Variants in JCAD observed in about 807,000 individuals in gnomAD.
JCAD encodes junctional cadherin 5-associated protein.
In JCAD, 40 loss-of-function variants were observed where a neutral mutation model predicts 98.0. That is an observed-to-expected ratio of 0.41 (90% confidence interval 0.32 to 0.53). The LOEUF (loss-of-function observed/expected upper bound fraction) is 0.53, where lower values mean the gene tolerates loss of function less well. JCAD is among the 20% of genes least tolerant of loss of function. The pLI is 0.31. For missense variants in JCAD, 1,705 were observed against 1,738.1 expected, an observed-to-expected ratio of 0.98 and a Z score of 0.34; for synonymous variants, 691 against 682.3, an observed-to-expected ratio of 1.01 and a Z score of -0.20.
chr10:30,019,487 T>C (rs1406581805), intron 3 of JCAD, among the ~76,000 whole-genome samples: 2 of 150,106 alleles, frequency 1.3e-5, no homozygotes, highest in East Asian at 3.9e-4. Context: ...GACATTATGG[T>C]AGTCAAAAAA....
intron 1 of JCAD, among the ~76,000 whole-genome samples, chr10:30,113,920 GGATGGTCTT>G (rs1838749833): frequency 1.3e-5 from 2 of 152,124 alleles, no homozygotes; most frequent in African/African-American, 4.8e-5. Flanking sequence ...ATGTTGCCCA[GGATGGTCTT>G]GATCTCCTAT....
intron 3 of JCAD, among the ~76,000 whole-genome samples, chr10:30,022,467 C>T (rs966984529): frequency 4.6e-5 from 7 of 152,202 alleles, no homozygotes; most frequent in Non-Finnish European, 1.0e-4. Context: ...CCAAGCGCTT[C>T]TCAGTGACTT....
intron 1 of JCAD, among the ~76,000 whole-genome samples, chr10:30,072,321 A>C (rs1186369342): frequency 6.6e-6 from 1 of 152,228 alleles, no homozygotes; most frequent in Non-Finnish European, 1.5e-5. Context: ...GTATTTATGT[A>C]ACATCCCCAT....
chr10:30,088,801 C>G (rs1838208488), intron 1 of JCAD, among the ~76,000 whole-genome samples: 1 of 151,982 alleles, frequency 6.6e-6, no homozygotes, highest in African/African-American at 2.4e-5. Flanking sequence ...AACCCCATCT[C>G]TACTAAAAAA....
At chr10:30,050,234 G>T (rs1269895535) in intron 1 of JCAD, among the ~76,000 whole-genome samples, 1 of 139,694 alleles carries the variant, frequency 7.2e-6, no homozygotes, top group African/African-American at 2.7e-5. Context: ...ACAATCGCTT[G>T]AACCCTGGAG....
At chr10:30,112,330 T>A (rs995315189) in intron 1 of JCAD, among the ~76,000 whole-genome samples, 4 of 150,750 alleles carry the variant, frequency 2.7e-5, no homozygotes, top group African/African-American at 9.8e-5. Flanking sequence ...AAAAAAAAAA[T>A]TAGCTGGGTA....
intron 1 of JCAD, among the ~76,000 whole-genome samples, chr10:30,072,142 A>C (rs1837903913): frequency 6.8e-6 from 1 of 147,906 alleles, no homozygotes; most frequent in African/African-American, 2.5e-5. Context: ...AGGGCAGGGA[A>C]GGGAAGGGAA....
At chr10:30,055,640 G>T (rs1223790639) in intron 1 of JCAD, among the ~76,000 whole-genome samples, 1 of 152,224 alleles carries the variant, frequency 6.6e-6, no homozygotes, top group Non-Finnish European at 1.5e-5. Flanking sequence ...CAGTCAAGTT[G>T]TTAAAATCTC....
intron 2 of JCAD, among the ~76,000 whole-genome samples, chr10:30,035,564 C>G (rs1837089551): frequency 6.6e-6 from 1 of 152,238 alleles, no homozygotes; most frequent in African/African-American, 2.4e-5. Flanking sequence ...CTTCTAGTAG[C>G]TTCGCTATAG....
chr10:30,026,554 G>A lies in JCAD; in HGVS notation c.3594C>T (p.Ser1198=), dbSNP rs755474324. Residue 1198 remains serine, a synonymous_variant, in exon 3 of 4, where the codon TCC becomes TCT. Transcript: ENST00000375377. The part of the protein sequence containing the change: ...VPEPEPSPLE[S]KFFEQKDVET... The stretch of plus-strand genomic sequence containing the variant: ...CCACATCCTTTTGTTCGAAGAACTT[G>A]GACTCCAAGGGGCTGGGCTCAGGCT... 6.2e-7 allele frequency: 1 copy of A among 1,614,166 alleles called. No homozygotes were observed. Among genetic ancestry groups the A allele is most frequent in the South Asian group, 1.1e-5 (1 of 91,074 alleles).
intron 1 of JCAD, among the ~76,000 whole-genome samples, chr10:30,078,275 C>T (rs1010116316): frequency 1.2e-4 from 18 of 152,184 alleles, no homozygotes; most frequent in Admixed American, 8.5e-4. Context: ...CAGAGCTGCT[C>T]AGCAGGGATT....
At chr10:30,054,682 T>G (rs1837532081) in intron 1 of JCAD, among the ~76,000 whole-genome samples, 1 of 151,848 alleles carries the variant, frequency 6.6e-6, no homozygotes, top group South Asian at 2.1e-4. Context: ...CATCTTTTTT[T>G]TTTTTTGAGA....
chr10:30,114,824 C>A (rs1033826181), intron 1 of JCAD, among the ~76,000 whole-genome samples: 3 of 67,660 alleles, frequency 4.4e-5, no homozygotes, highest in Non-Finnish European at 9.7e-5. Context: ...ATTTTAAAGC[C>A]GAATAGATAG....
intron 1 of JCAD, among the ~76,000 whole-genome samples, chr10:30,076,146 C>T (rs989736209): frequency 6.6e-6 from 1 of 152,110 alleles, no homozygotes; most frequent in Non-Finnish European, 1.5e-5. Context: ...GCCTCAGCCT[C>T]CCGAGTAGCT....
At chr10:30,070,233 T>C (rs1837861036) in intron 1 of JCAD, among the ~76,000 whole-genome samples, 1 of 152,180 alleles carries the variant, frequency 6.6e-6, no homozygotes, top group African/African-American at 2.4e-5. Context: ...CCAAAGCCAG[T>C]GTCTTATCTA....
intron 1 of JCAD, among the ~76,000 whole-genome samples, chr10:30,054,145 A>G (rs1224307162): frequency 6.6e-6 from 1 of 152,272 alleles, no homozygotes; most frequent in Non-Finnish European, 1.5e-5. Flanking sequence ...ACAACAGCAC[A>G]GGGAAATGCT....
chr10:30,052,667 G>A (rs1449143160), intron 1 of JCAD, among the ~76,000 whole-genome samples: 5 of 152,168 alleles, frequency 3.3e-5, no homozygotes, highest in Admixed American at 2.0e-4. Flanking sequence ...TTACGCCAAC[G>A]TAAATTCATC....
chr10:30,027,362 G>A lies in JCAD; in HGVS notation c.2786C>T (p.Pro929Leu), dbSNP rs760860999. 1.2e-6 allele frequency: 2 copies of A among 1,610,530 alleles called. No homozygotes were observed. The highest frequency in any genetic ancestry group is 1.1e-5 in the South Asian group (1 of 91,088). The part of the protein sequence containing the change: ...ELQPGHPRAW[P>L]PSPGRFRVEE... ...CACGCGAAAGCGGCCCGGGGATGGAGGCCAGGCACGTGGGTGGCCAGGCTG... is the reference window on the plus strand; with the variant it reads ...CACGCGAAAGCGGCCCGGGGATGGAAGCCAGGCACGTGGGTGGCCAGGCTG... Residue 929 changes from proline (P) to leucine (L), a missense_variant, in exon 3 of 4, where the codon CCT becomes CTT. Coordinates refer to ENST00000375377, the MANE Select transcript of JCAD (RefSeq NM_020848.4).
chr10:30,015,604 G>A lies in JCAD; in HGVS notation c.*2279C>T, dbSNP rs965072746. ...CAAAACAGAAGCGCATCACATTTTGGTTTGAGAATCACAGAAGGTACAACA... is the reference window on the plus strand; with the variant it reads ...CAAAACAGAAGCGCATCACATTTTGATTTGAGAATCACAGAAGGTACAACA... On this transcript the variant is annotated 3_prime_UTR_variant, in exon 4 of 4. Transcript: ENST00000375377. 1 of 152,164 alleles carries A rather than the reference G, an allele frequency of 6.6e-6. No individual in the cohort carries two copies. Among genetic ancestry groups the A allele is most frequent in the Non-Finnish European group, 1.5e-5 (1 of 68,026 alleles). The allele number at this position is 152,164 out of a possible 1,614,324, so 9.4% of individuals were successfully genotyped here.
Sources: allele counts gnomAD v4.1 joint callset (sites outside exome capture counted in the v4.1 genomes callset), GRCh38; gene constraint gnomAD v4.1.1; transcripts MANE v1.5; gene names NCBI Gene and HGNC (gene_info 2026-07-23, HGNC 2026-07-21).